Variants in TBCK observed in about 807,000 individuals in gnomAD.
The protein encoded by TBCK is TBC domain-containing protein kinase-like protein.
A neutral mutation model predicts 113.4 loss-of-function variants in TBCK; 99 were observed. The observed-to-expected ratio is 0.87, with a 90% CI of 0.74 to 1.03. The LOEUF (loss-of-function observed/expected upper bound fraction) is 1.03, where lower values mean the gene tolerates loss of function less well. Among genes scored for constraint, TBCK ranks in the 50% least tolerant of loss-of-function variants. The probability of loss-of-function intolerance (pLI) is 0.00; values close to 1 mark genes in which losing one functional copy is unlikely to be tolerated. For missense variants in TBCK, 1,045 were observed against 1,061.3 expected, an observed-to-expected ratio of 0.98 and a Z score of 0.21; for synonymous variants, 369 against 370.8, an observed-to-expected ratio of 1.00 and a Z score of 0.05.
In TBCK at chr4:106,212,824, C is replaced by T; in HGVS notation, c.1786G>A (p.Val596Ile). 5.6e-6 allele frequency: 9 copies of T among 1,609,752 alleles called. No homozygotes were observed. The highest frequency in any genetic ancestry group is 7.6e-6 in the Non-Finnish European group (9 of 1,177,266). The change falls in exon 20 of 26, where the codon GTC becomes ATC. Residue 596 changes from valine (V) to isoleucine (I), a missense_variant. Transcript: ENST00000394708. ...TGAAATGCAATCATCTGAGAGAAGA[C>T]AGTCAGATACTCTGAAATTACAAAG... ...NSHVIQEYLT[V>I]FSQMIAFHDP...
intron 20 of TBCK, among the ~76,000 whole-genome samples, chr4:106,211,982 C>T (rs764049315): frequency 6.6e-6 from 1 of 151,932 alleles, no homozygotes; most frequent in Non-Finnish European, 1.5e-5. Context: ...TGCTTGAGGT[C>T]AGGTGCCTTC....
At chr4:106,305,519 T>A (rs963131714) in intron 2 of TBCK, among the ~76,000 whole-genome samples, 19 of 152,022 alleles carry the variant, frequency 1.2e-4, no homozygotes, top group Middle Eastern at 3.4e-3. Context: ...ATATATATAT[T>A]TTTTATTATT....
chr4:106,193,504 A>C, intron 22 of TBCK, 105 bp downstream of exon 22: 11 of 1,157,184 alleles, frequency 9.5e-6, no homozygotes, highest in Non-Finnish European at 1.3e-5. Flanking sequence ...CCCAAACAGA[A>C]GAGATGCTGA....
chr4:106,061,755 T>C (rs943245620), intron 25 of TBCK, among the ~76,000 whole-genome samples: 1 of 151,690 alleles, frequency 6.6e-6, no homozygotes, highest in Non-Finnish European at 1.5e-5. Context: ...TCTTCCGTTA[T>C]CCTTTCCTTA....
intron 5 of TBCK, among the ~76,000 whole-genome samples, chr4:106,256,623 G>C (rs1762018664): frequency 6.6e-6 from 1 of 152,138 alleles, no homozygotes; most frequent in Admixed American, 6.5e-5. Flanking sequence ...AGAGCACAGG[G>C]AGGCCTGGGT....
intron 3 of TBCK, among the ~76,000 whole-genome samples, chr4:106,281,303 ATTT>A (rs34073910): frequency 0.14 from 21,407 of 148,294 alleles, 1,695 homozygotes; most frequent in South Asian, 0.25. Context: ...ACTTCTAATC[ATTT>A]TTTTTTTTGG....
At chr4:106,316,647 A>AG, upstream of TBCK, 5 of 1,531,560 alleles carry the variant, frequency 3.3e-6, no homozygotes, top group Non-Finnish European at 4.4e-6. Flanking sequence ...TTGCGATCGT[A>AG]GGGGTCTTCC....
At chr4:106,100,562 T>C (rs1307249591) in intron 24 of TBCK, among the ~76,000 whole-genome samples, 1 of 151,794 alleles carries the variant, frequency 6.6e-6, no homozygotes, top group Admixed American at 6.5e-5. Context: ...TGACAGGATA[T>C]GAATGAATGA....
At chr4:106,133,301 C>T (rs548567346) in intron 23 of TBCK, among the ~76,000 whole-genome samples, 43 of 152,214 alleles carry the variant, frequency 2.8e-4, no homozygotes, top group African/African-American at 9.4e-4. Flanking sequence ...AATGGGAGTT[C>T]CCCTTGCCTG....
At chr4:106,147,949 C>T (rs542477696) in intron 23 of TBCK, among the ~76,000 whole-genome samples, 4 of 152,284 alleles carry the variant, frequency 2.6e-5, no homozygotes, top group East Asian at 1.9e-4. Context: ...AGAGAACATG[C>T]GCCTGGGGGT....
At chr4:106,089,093 G>A (rs1739875285) in intron 25 of TBCK, among the ~76,000 whole-genome samples, 2 of 151,646 alleles carry the variant, frequency 1.3e-5, no homozygotes, top group Non-Finnish European at 2.9e-5. Context: ...GGTTCTGTAG[G>A]CTTTACAGGA....
At chr4:106,083,566 C>T (rs1229671425) in intron 25 of TBCK, among the ~76,000 whole-genome samples, 5 of 152,180 alleles carry the variant, frequency 3.3e-5, no homozygotes, top group Non-Finnish European at 7.3e-5. Context: ...CAGTGAAACA[C>T]ACCCTCTAGA....
intron 25 of TBCK, among the ~76,000 whole-genome samples, chr4:106,080,177 G>A (rs902137939): frequency 1.3e-5 from 2 of 151,594 alleles, no homozygotes; most frequent in African/African-American, 4.8e-5. Flanking sequence ...ATTAGAAAAA[G>A]CTATTCTAAA....
At chr4:106,139,699 T>C (rs1230914953) in intron 23 of TBCK, among the ~76,000 whole-genome samples, 1 of 141,616 alleles carries the variant, frequency 7.1e-6, no homozygotes, top group East Asian at 2.0e-4. Context: ...ATCATAGAGA[T>C]GTACTTTGAG....
intron 25 of TBCK, among the ~76,000 whole-genome samples, chr4:106,078,568 C>T (rs1241048562): frequency 1.4e-4 from 22 of 152,010 alleles, no homozygotes; most frequent in Admixed American, 6.6e-5. Flanking sequence ...ACATAGCCTT[C>T]TAAGATTGAA....
chr4:106,212,690 G>A lies in TBCK; in HGVS notation c.1860+60C>T, dbSNP rs1183611869. 3.3e-6 allele frequency: 4 copies of A among 1,225,020 alleles called. No homozygotes were observed. In the African/African-American group the frequency reaches 4.6e-5, roughly 14 times the overall value. 75.9% of individuals were successfully genotyped at this position (1,225,020 alleles called of 1,614,324 possible). On this transcript the variant is annotated intron_variant, in intron 20 of 25. Transcript: ENST00000394708. ...AAATTAAGAAAATACACTCTTCTGT[G>A]CTAATAATTTCTGCTTTTTTTTTTT...
At chr4:106,147,397 T>C (rs973640864) in intron 23 of TBCK, among the ~76,000 whole-genome samples, 3 of 152,192 alleles carry the variant, frequency 2.0e-5, no homozygotes, top group Admixed American at 2.0e-4. Flanking sequence ...GCTTCATCCA[T>C]GCACTGGAGA....
intron 3 of TBCK, among the ~76,000 whole-genome samples, chr4:106,290,987 A>G (rs1765650793): frequency 6.6e-6 from 1 of 152,144 alleles, no homozygotes; most frequent in South Asian, 2.1e-4. Flanking sequence ...ATTAATAGAG[A>G]GGTTTGACTG....
chr4:106,096,417 G>A (rs1338877569), intron 24 of TBCK, among the ~76,000 whole-genome samples: 3 of 152,192 alleles, frequency 2.0e-5, no homozygotes, highest in African/African-American at 7.2e-5. Context: ...ATCTACATCT[G>A]TGAGGCCTGA....
Sources: gnomAD v4.1 joint callset for allele counts (sites outside exome capture counted in the v4.1 genomes callset) on GRCh38, gnomAD v4.1.1 for gene constraint, MANE v1.5 for transcripts, NCBI Gene and HGNC (gene_info 2026-07-23, HGNC 2026-07-21) for gene names.